FAM118B: variants seen among roughly 807,000 people sequenced by gnomAD.
FAM118B encodes protein FAM118B.
FAM118B carries 24 observed loss-of-function variants against 38.5 expected under a neutral mutation model. The observed-to-expected ratio is 0.62, with a 90% CI of 0.45 to 0.88. The LOEUF (loss-of-function observed/expected upper bound fraction) is 0.88. Ranked by LOEUF, FAM118B falls within the 40% of genes least tolerant of loss-of-function variation. The pLI is 0.00. For synonymous variants in FAM118B, 138 were observed against 156.3 expected (o/e 0.88, Z 0.87); for missense variants, 334 against 420.0 (o/e 0.80, Z 1.79).
chr11:126,255,255 T>C lies in FAM118B; in HGVS notation c.696+822T>C, dbSNP rs1426521168. The stretch of plus-strand genomic sequence containing the variant: ...CAGATAAACATGTTCAAACCAGAAG[T>C]ATTCGCTGCCCCCAGCTCTAAGAAT... On this transcript the variant is annotated intron_variant, in intron 6 of 8. Coordinates refer to ENST00000533050, the MANE Select transcript of FAM118B (RefSeq NM_024556.4). This position sits in a 1 kb window ranked among gnomAD's most constrained non-coding sequence, Gnocchi z 4.6. Among the ~76,000 whole-genome samples the C allele has an allele frequency of 1.3e-5, 2 of 152,248 alleles. No homozygotes were observed. The highest frequency in any genetic ancestry group is 2.9e-5 in the Non-Finnish European group (2 of 68,040).
In FAM118B at chr11:126,240,673, G is replaced by A. The variant is rs542794150; in HGVS notation, c.87-119G>A. ...CTTTGGAAAGGTGTCAAAAACTGCT[G>A]TTCATCTTCTTTGCAACTATAAAAG... On this transcript the variant is annotated intron_variant, in intron 3 of 8. Transcript: ENST00000533050. 4 of 1,061,944 alleles carry A rather than the reference G, an allele frequency of 3.8e-6. No homozygotes were observed. In the South Asian group the frequency reaches 6.0e-5, roughly 16 times the overall value. The allele number at this position is 1,061,944 out of a possible 1,614,324, so 65.8% of individuals were successfully genotyped here.
intron 3 of FAM118B, among the ~76,000 whole-genome samples, chr11:126,240,119 C>T (rs1950336066): frequency 1.3e-5 from 2 of 152,170 alleles, no homozygotes; most frequent in East Asian, 1.9e-4. Flanking sequence ...CATGCTGTCT[C>T]ACATATGGGC....
At chr11:126,260,369 T>A (rs12792746) in intron 7 of FAM118B, 13,234 of 150,772 alleles carry the variant, frequency 0.088, 786 homozygotes, top group Non-Finnish European at 0.13. Context: ...CTGTGCTTTT[T>A]TTCATAGTTG....
chr11:126,219,038 T>A (rs951880862), intron 1 of FAM118B, among the ~76,000 whole-genome samples: 1 of 152,212 alleles, frequency 6.6e-6, no homozygotes, highest in Non-Finnish European at 1.5e-5. Flanking sequence ...ATAGACTTTA[T>A]GCCAATCCGT....
chr11:126,214,491 T>G (rs1297234817), intron 1 of FAM118B: 5 of 73,906 alleles, frequency 6.8e-5, no homozygotes, highest in African/African-American at 1.6e-4. Context: ...TTTGTTTCTG[T>G]TTTTTTTTTT....
chr11:126,217,728 A>T (rs1255569626), intron 1 of FAM118B, among the ~76,000 whole-genome samples: 4 of 152,044 alleles, frequency 2.6e-5, no homozygotes, highest in Admixed American at 1.3e-4. Context: ...TTCTGGGCTT[A>T]TGTCTTTATT....
chr11:126,256,761 G>A lies in FAM118B; in HGVS notation c.891G>A (p.Gly297=). ...KKLRENMLDK[G]IKVISYGDDY... ...TTCGAGAAAACATGCTGGACAAGGG[G>A]ATTAAAGTCATCTCCTATGGAGATG... The change falls in exon 7 of 9, where the codon GGG becomes GGA. Residue 297 remains glycine, a synonymous_variant. Coordinates refer to ENST00000533050, the MANE Select transcript of FAM118B (RefSeq NM_024556.4). The surrounding 1 kb of genome is among the most constrained non-coding windows in gnomAD (Gnocchi z 6.6). 4 of 1,614,124 alleles carry A rather than the reference G, an allele frequency of 2.5e-6. No individual in the cohort carries two copies. Among genetic ancestry groups the A allele is most frequent in the Non-Finnish European group, 3.4e-6 (4 of 1,180,010 alleles).
chr11:126,259,710 C>A (rs1950645970), intron 7 of FAM118B, among the ~76,000 whole-genome samples: 1 of 151,230 alleles, frequency 6.6e-6, no homozygotes, highest in Non-Finnish European at 1.5e-5. Context: ...CAGGCGTGAG[C>A]CACCATGCCC....
At position 126,221,257 on chromosome 11, in the gene FAM118B, G is replaced by T. The variant is rs138615182; in HGVS notation, c.-76-7968G>T. On this transcript the variant is annotated intron_variant, in intron 1 of 8. Coordinates refer to ENST00000533050, the MANE Select transcript of FAM118B (RefSeq NM_024556.4). Reference sequence around the variant, plus strand: ...GAGAATATCCTGAAAAGAATATCATGCTAGTTTAAGGTTACAGATTTACTT... The same window carrying T: ...GAGAATATCCTGAAAAGAATATCATTCTAGTTTAAGGTTACAGATTTACTT... 7.9e-5 allele frequency among the ~76,000 whole-genome samples: 12 copies of T among 152,244 alleles called. No individual in the cohort carries two copies. In the East Asian group the frequency reaches 1.9e-3, roughly 25 times the overall value.
chr11:126,211,765 G>A (rs1215729864), upstream of FAM118B: 4 of 1,099,574 alleles, frequency 3.6e-6, no homozygotes, highest in African/African-American at 6.3e-5. Context: ...TGGGGACGGT[G>A]CGCGCTCAGT....
chr11:126,258,647 C>T (rs1950619550), intron 7 of FAM118B, among the ~76,000 whole-genome samples: 1 of 152,230 alleles, frequency 6.6e-6, no homozygotes, highest in African/African-American at 2.4e-5. Context: ...GTGTTCTAGA[C>T]TCTCCTGCTG....
chr11:126,228,651 C>T (rs1274691561), intron 1 of FAM118B, among the ~76,000 whole-genome samples: 1 of 152,136 alleles, frequency 6.6e-6, no homozygotes, highest in Non-Finnish European at 1.5e-5. Flanking sequence ...ACCTCTGCCT[C>T]CCAGGTTCAA....
chr11:126,237,574 C>T (rs1303742243), intron 3 of FAM118B, among the ~76,000 whole-genome samples: 5 of 140,688 alleles, frequency 3.6e-5, no homozygotes, highest in Non-Finnish European at 6.2e-5. Context: ...CGGTGGCTCA[C>T]GCCTGTCATC....
Position 126,218,850 on chromosome 11 carries a change from C to T in FAM118B, c.-77+7020C>T, listed in dbSNP as rs183777866. On this transcript the variant is annotated intron_variant, in intron 1 of 8. Transcript: ENST00000533050. ...GGACAAGGATGGAGGCTTGGAGAAC[C>T]TTTTAGTATGCATCTTTTGACATAA... 2.9e-3 allele frequency among the ~76,000 whole-genome samples: 434 copies of T among 152,250 alleles called. 4 individuals are homozygous for T. Among genetic ancestry groups the T allele is most frequent in the African/African-American group, 9.6e-3 (400 of 41,554 alleles).
Position 126,255,616 on chromosome 11 carries a change from A to G in FAM118B, c.697-951A>G, listed in dbSNP as rs914381986. On this transcript the variant is annotated intron_variant, in intron 6 of 8. Transcript: ENST00000533050. This position sits in a 1 kb window ranked among gnomAD's most constrained non-coding sequence, Gnocchi z 4.6. The stretch of plus-strand genomic sequence containing the variant: ...TGAGACAAAGGCAAATATGGTCCAG[A>G]AATGGAAGGATTAAGATATATGAAG... Among the ~76,000 whole-genome samples, 12 of 152,336 alleles carry G rather than the reference A, an allele frequency of 7.9e-5. No homozygotes were observed. Among genetic ancestry groups the G allele is most frequent in the Admixed American group, 7.8e-4 (12 of 15,298 alleles).
At chr11:126,229,604 G>A (rs1476153659) in intron 2 of FAM118B, among the ~76,000 whole-genome samples, 5 of 151,990 alleles carry the variant, frequency 3.3e-5, no homozygotes, top group South Asian at 2.1e-4. Context: ...CACCGCACCC[G>A]GCTAAATTTT....
rs1237965185 is a variant in FAM118B at position 126,250,673 on chromosome 11, A to G, written c.507A>G (p.Glu169=). ...CTACAAATTTTGATAATCTCTTGGA[A>G]CTGTATGCAGCAGATCAGGGGAAAC... ...VLTTNFDNLL[E]LYAADQGKQL... Residue 169 remains glutamate, a synonymous_variant, in exon 5 of 9, where the codon GAA becomes GAG. Coordinates refer to ENST00000533050, the MANE Select transcript of FAM118B (RefSeq NM_024556.4). The surrounding 1 kb of genome is among the most constrained non-coding windows in gnomAD (Gnocchi z 5.1). 4 of 1,614,162 alleles carry G rather than the reference A, an allele frequency of 2.5e-6. No homozygotes were observed. The highest frequency in any genetic ancestry group is 3.4e-6 in the Non-Finnish European group (4 of 1,180,026).
chr11:126,261,277 C>T (rs1335306198), intron 7 of FAM118B, 148 bp from the exon 8 acceptor site: 39 of 637,932 alleles, frequency 6.1e-5, no homozygotes, highest in Non-Finnish European at 9.9e-5. Flanking sequence ...TCCTCTCTGC[C>T]TCCTTATCTT....
At position 126,256,511 on chromosome 11, in the gene FAM118B, A is replaced by C. The variant is rs1950581182; in HGVS notation, c.697-56A>C. On this transcript the variant is annotated intron_variant, in intron 6 of 8. Transcript: ENST00000533050. This position sits in a 1 kb window ranked among gnomAD's most constrained non-coding sequence, Gnocchi z 6.6. ...CAACGTAGCATGACCTTCTTGTTTCAGACTTGCCTTGAGTGTGTCTTCACA... is the reference window on the plus strand; with the variant it reads ...CAACGTAGCATGACCTTCTTGTTTCCGACTTGCCTTGAGTGTGTCTTCACA... The C allele has an allele frequency of 1.9e-6, 3 of 1,545,950 alleles. No homozygotes were observed. Among genetic ancestry groups the C allele is most frequent in the African/African-American group, 1.4e-5 (1 of 73,090 alleles).
Sources: allele counts gnomAD v4.1 joint callset (sites outside exome capture counted in the v4.1 genomes callset), GRCh38; gene constraint gnomAD v4.1.1; non-coding constraint Gnocchi (gnomAD v3.1); transcripts MANE v1.5; gene names NCBI Gene and HGNC (gene_info 2026-07-23, HGNC 2026-07-21).